ARHGAP15: variants seen among roughly 807,000 people sequenced by gnomAD.
ARHGAP15 encodes the protein rho GTPase-activating protein 15.
A neutral mutation model predicts 63.7 loss-of-function variants in ARHGAP15; 51 were observed. The observed-to-expected ratio is 0.80, with a 90% CI of 0.64 to 1.01. ARHGAP15 has a LOEUF of 1.01. Ranked by LOEUF, ARHGAP15 falls within the 50% of genes least tolerant of loss-of-function variation. The pLI, the probability that ARHGAP15 is intolerant of heterozygous loss-of-function variation, is 0.00. For synonymous variants in ARHGAP15, 191 were observed against 193.8 expected (o/e 0.99, Z 0.12); for missense variants, 560 against 564.6 (o/e 0.99, Z 0.08).
At chr2:143,646,242 T>C (rs546257473) in intron 12 of ARHGAP15, among the ~76,000 whole-genome samples, 1 of 152,150 alleles carries the variant, frequency 6.6e-6, no homozygotes, top group South Asian at 2.1e-4. Flanking sequence ...TCATGGTGTT[T>C]CAGAATGACA....
chr2:143,360,460 TCAA>T (rs1322345167), intron 6 of ARHGAP15, among the ~76,000 whole-genome samples: 1 of 151,548 alleles, frequency 6.6e-6, no homozygotes, highest in Non-Finnish European at 1.5e-5. Flanking sequence ...ATTGTAGGCA[TCAA>T]CAACTTAAAA....
chr2:143,674,740 G>A (rs551075510), intron 12 of ARHGAP15, among the ~76,000 whole-genome samples: 9 of 152,216 alleles, frequency 5.9e-5, no homozygotes, highest in Admixed American at 2.6e-4. Flanking sequence ...TTATGTTTAC[G>A]AAAACAATGT....
At chr2:143,514,479 T>A (rs909374355) in intron 9 of ARHGAP15, among the ~76,000 whole-genome samples, 2 of 152,176 alleles carry the variant, frequency 1.3e-5, no homozygotes, top group Non-Finnish European at 2.9e-5. Context: ...ATTTAGAACT[T>A]TTTTTTCTGT....
Position 143,250,617 on chromosome 2 carries a change from T to C in ARHGAP15, c.474+17T>C, listed in dbSNP as rs761715058. On this transcript the variant is annotated intron_variant, in intron 6 of 13. Coordinates refer to ENST00000295095, the MANE Select transcript of ARHGAP15 (RefSeq NM_018460.4). The stretch of plus-strand genomic sequence containing the variant: ...GTCTTTCAGGTAAGAATGTTACATA[T>C]ATTCAATTTATTCCTATTCTCTCTA... 1.7e-5 allele frequency: 27 copies of C among 1,585,736 alleles called. No homozygotes were observed. In the East Asian group the frequency reaches 5.4e-4, roughly 32 times the overall value.
At chr2:143,330,577 A>G (rs1684506451) in intron 6 of ARHGAP15, among the ~76,000 whole-genome samples, 1 of 152,216 alleles carries the variant, frequency 6.6e-6, no homozygotes, top group Non-Finnish European at 1.5e-5. Flanking sequence ...AAACCTAGTG[A>G]ATCAGGCCTT....
intron 13 of ARHGAP15, among the ~76,000 whole-genome samples, chr2:143,767,559 A>AACTT (rs1485380615): frequency 6.6e-6 from 1 of 152,154 alleles, no homozygotes; most frequent in East Asian, 1.9e-4. Flanking sequence ...AATCAGGAAA[A>AACTT]ACTTAATTTT....
chr2:143,171,639 T>C (rs1690785402), intron 2 of ARHGAP15, among the ~76,000 whole-genome samples: 1 of 152,080 alleles, frequency 6.6e-6, no homozygotes, highest in Non-Finnish European at 1.5e-5. Flanking sequence ...AGTAGTCTTG[T>C]TGATGAAAAA....
At chr2:143,304,411 A>G (rs897598903) in intron 6 of ARHGAP15, among the ~76,000 whole-genome samples, 4 of 151,038 alleles carry the variant, frequency 2.6e-5, no homozygotes, top group East Asian at 2.0e-4. Flanking sequence ...CAATGAGAAC[A>G]CAGGGACACA....
chr2:143,297,617 T>G (rs1193206521), intron 6 of ARHGAP15, among the ~76,000 whole-genome samples: 1 of 151,996 alleles, frequency 6.6e-6, no homozygotes, highest in Non-Finnish European at 1.5e-5. Flanking sequence ...TGTTTCAGGT[T>G]TGTTATGATG....
At chr2:143,531,783 T>C (rs1052847472) in intron 10 of ARHGAP15, among the ~76,000 whole-genome samples, 1 of 152,222 alleles carries the variant, frequency 6.6e-6, no homozygotes, top group Non-Finnish European at 1.5e-5. Flanking sequence ...ATACCAATAC[T>C]GTGGAATAAA....
intron 13 of ARHGAP15, among the ~76,000 whole-genome samples, chr2:143,751,329 G>A (rs1686365004): frequency 6.6e-6 from 1 of 152,138 alleles, no homozygotes; most frequent in African/African-American, 2.4e-5. Flanking sequence ...CTTCAGCTGA[G>A]GCAAACCCTG....
intron 6 of ARHGAP15, among the ~76,000 whole-genome samples, chr2:143,281,170 G>A (rs1441191909): frequency 1.3e-5 from 2 of 152,114 alleles, no homozygotes; most frequent in African/African-American, 2.4e-5. Flanking sequence ...GAGCTAGGGC[G>A]ATCTATTTAT....
In ARHGAP15 at chr2:143,566,291, G is replaced by A. The variant is rs181373535; in HGVS notation, c.1003+9806G>A. On this transcript the variant is annotated intron_variant, in intron 11 of 13. Coordinates refer to ENST00000295095, the MANE Select transcript of ARHGAP15 (RefSeq NM_018460.4). ...GCTTCTTGCTTCACTGAGGGTCCCA[G>A]CACAGCAGGATTAATATGGAAGGGA... 7.9e-5 allele frequency among the ~76,000 whole-genome samples: 12 copies of A among 152,252 alleles called. No individual in the cohort carries two copies. The East Asian group carries it at 1.9e-3, about 25-fold the overall frequency.
At chr2:143,430,465 A>C (rs1236929194) in intron 6 of ARHGAP15, among the ~76,000 whole-genome samples, 2 of 152,050 alleles carry the variant, frequency 1.3e-5, no homozygotes, top group Admixed American at 6.6e-5. Flanking sequence ...GAGACCAAGT[A>C]ATTTAGCTAT....
intron 12 of ARHGAP15, among the ~76,000 whole-genome samples, chr2:143,689,606 T>G (rs1683502190): frequency 6.6e-6 from 1 of 152,220 alleles, no homozygotes; most frequent in African/African-American, 2.4e-5. Flanking sequence ...AAATTTATAA[T>G]CACAGCTCTT....
At chr2:143,398,833 A>G (rs1687879638) in intron 6 of ARHGAP15, among the ~76,000 whole-genome samples, 1 of 150,854 alleles carries the variant, frequency 6.6e-6, no homozygotes, top group South Asian at 2.1e-4. Flanking sequence ...TGACCTGGCT[A>G]GACAGATAAT....
chr2:143,202,251 T>C, intron 3 of ARHGAP15, 49 bp downstream of exon 3: 1 of 1,504,248 alleles, frequency 6.6e-7, no homozygotes, highest in East Asian at 2.3e-5. Context: ...CAAAATAAAT[T>C]GCCACAAAAC....
At chr2:143,428,366 T>G (rs1689223051) in intron 6 of ARHGAP15, among the ~76,000 whole-genome samples, 1 of 151,684 alleles carries the variant, frequency 6.6e-6, no homozygotes, top group Non-Finnish European at 1.5e-5. Context: ...GGGGCTGGCA[T>G]GCCAAATTAA....
intron 6 of ARHGAP15, among the ~76,000 whole-genome samples, chr2:143,367,029 C>A (rs1686324361): frequency 6.6e-6 from 1 of 151,892 alleles, no homozygotes; most frequent in Non-Finnish European, 1.5e-5. Context: ...TTTATAGTAG[C>A]CAAGATGCAG....
Sources: gnomAD v4.1 joint callset for allele counts (sites outside exome capture counted in the v4.1 genomes callset) on GRCh38, gnomAD v4.1.1 for gene constraint, MANE v1.5 for transcripts, NCBI Gene and HGNC (gene_info 2026-07-23, HGNC 2026-07-21) for gene names.